The following F5 variants were observed in gnomAD, a reference collection of about 807,000 sequenced individuals.
F5 encodes coagulation factor V.
In F5, 138 loss-of-function variants were observed where a neutral mutation model predicts 216.4. The observed-to-expected ratio is 0.64, with a 90% CI of 0.56 to 0.73. F5 has a LOEUF of 0.73. F5 is among the 30% of genes least tolerant of loss of function. The pLI is 0.00. For missense variants in F5, 2,403 were observed against 2,674.0 expected (o/e 0.90, Z 2.24); for synonymous variants, 916 against 930.7 (o/e 0.98, Z 0.29).
intron 15 of F5, 126 bp downstream of exon 15, chr1:169,530,660 C>T: frequency 2.4e-6 from 2 of 843,914 alleles, no homozygotes; most frequent in Non-Finnish European, 4.1e-6. Context: ...GTTAACCACA[C>T]CCTTATGCAT....
At chr1:169,559,618 A>C in intron 4 of F5, among the ~76,000 whole-genome samples, 1 of 152,084 alleles carries the variant, frequency 6.6e-6, no homozygotes, top group Admixed American at 6.6e-5. Flanking sequence ...GAGTATATAG[A>C]TACGTTAGCT....
intron 3 of F5, among the ~76,000 whole-genome samples, chr1:169,564,614 T>C (rs1339858862): frequency 6.6e-6 from 1 of 152,096 alleles, no homozygotes; most frequent in Non-Finnish European, 1.5e-5. Context: ...TCTGGTTCCT[T>C]ATGTTCTGAA....
intron 14 of F5, among the ~76,000 whole-genome samples, 193 bp downstream of exon 14, chr1:169,536,313 T>C (rs1242749849): frequency 6.3e-5 from 9 of 143,050 alleles, no homozygotes; most frequent in Non-Finnish European, 4.6e-5. Flanking sequence ...ATTTAAAAAA[T>C]GAGATCTTTT....
chr1:169,573,301 G>C (rs1175523940), intron 2 of F5, among the ~76,000 whole-genome samples: 1 of 152,168 alleles, frequency 6.6e-6, no homozygotes, highest in Admixed American at 6.5e-5. Flanking sequence ...GTACAGCAGA[G>C]ACATAGTATA....
At chr1:169,532,892 G>A (rs1487749804) in intron 14 of F5, among the ~76,000 whole-genome samples, 3 of 152,016 alleles carry the variant, frequency 2.0e-5, no homozygotes, top group Non-Finnish European at 2.9e-5. Flanking sequence ...AAATTCATAT[G>A]GAATCAAAAA....
chr1:169,523,862 G>T lies in F5; in HGVS notation c.5831C>A (p.Ser1944Tyr). 1.2e-6 allele frequency: 2 copies of T among 1,613,846 alleles called. No individual in the cohort carries two copies. The highest frequency in any genetic ancestry group is 1.7e-6 in the Non-Finnish European group (2 of 1,179,902). The change falls in exon 20 of 25, where the codon TCT becomes TAT. Residue 1944 changes from serine to tyrosine, a missense_variant. Around this residue, in one of 4 missense-constraint regions of F5, gnomAD observed 659 missense variants for 787.9 expected, o/e 0.84. Transcript: ENST00000367797. ...PRLARLNNGG[S>Y]YNAWSVEKLA... The stretch of plus-strand genomic sequence containing the variant: ...TTTTTCTACACTCCAAGCATTATAA[G>T]ATCCACCATTGTTTAATCTTGCTAA...
intron 18 of F5, among the ~76,000 whole-genome samples, chr1:169,525,350 T>C (rs942665314): frequency 1.3e-5 from 2 of 151,490 alleles, no homozygotes; most frequent in African/African-American, 2.4e-5. Context: ...TATAAAAATA[T>C]GAAAAAAAGT....
chr1:169,515,501 G>A lies in F5; in HGVS notation c.6471C>T (p.Tyr2157=), dbSNP rs889356518. ...EMYVKSYTIH[Y]SEQGVEWKPY... ...GTTTCCATTCCACTCCCTGCTCACT[G>A]TAGTGGATGGTATAGCTCTTTACAT... is the stretch of plus-strand genomic sequence containing the variant. Residue 2157 remains tyrosine, a synonymous_variant, in exon 24 of 25, where the codon TAC becomes TAT. Coordinates refer to ENST00000367797, the MANE Select transcript of F5 (RefSeq NM_000130.5). The A allele has an allele frequency of 3.1e-6, 5 of 1,613,474 alleles. No individual in the cohort carries two copies. The African/African-American group carries it at 6.7e-5, about 22-fold the overall frequency.
rs759737015 is a variant in F5 at position 169,540,848 on chromosome 1, G to A, written c.4242C>T (p.Asp1414=). The A allele has an allele frequency of 1.9e-6, 3 of 1,611,872 alleles. No homozygotes were observed. Among genetic ancestry groups the A allele is most frequent in the Middle Eastern group, 1.7e-4 (1 of 6,056 alleles). ...PDLDQMTLSP[D]LGETDLSPNF... is the part of the protein sequence containing the mutation. ...TTGGGGAAAGATCTGTCTCACCAAG[G>A]TCTGGAGAAAGTGTCATCTGGTCGA... is the stretch of plus-strand genomic sequence containing the variant. The change falls in exon 13 of 25, where the codon GAC becomes GAT. Residue 1414 remains aspartate (D), a synonymous_variant. Coordinates refer to ENST00000367797, the MANE Select transcript of F5 (RefSeq NM_000130.5).
intron 11 of F5, among the ~76,000 whole-genome samples, chr1:169,545,601 C>A (rs1366256801): frequency 6.6e-6 from 1 of 152,130 alleles, no homozygotes; most frequent in Admixed American, 6.5e-5. Context: ...GATTCACTGC[C>A]AAAAGGAAGT....
At position 169,560,713 on chromosome 1, in the gene F5, C is replaced by T. The variant is rs1242255525; in HGVS notation, c.427G>A (p.Ala143Thr). The T allele has an allele frequency of 2.4e-5, 38 of 1,613,266 alleles. No individual in the cohort carries two copies. Among genetic ancestry groups the T allele is most frequent in the Non-Finnish European group, 3.0e-5 (35 of 1,179,776 alleles). Residue 143 changes from alanine to threonine, a missense_variant, in exon 4 of 25, where the codon GCT becomes ACT. Ala to Thr is a moderately conservative substitution (Grantham distance 58). Around this residue, in one of 4 missense-constraint regions of F5, gnomAD observed 1,425 missense variants for 1,554.8 expected, o/e 0.92. Transcript: ENST00000367797. ...FPAEKMDDAV[A>T]PGREYTYEWS... ...TCATAGGTGTATTCTCGGCCTGGAG[C>T]CACAGCGTCGTCCATCTTCTCCGCA...
chr1:169,577,584 TA>T (rs1349090197), intron 2 of F5, among the ~76,000 whole-genome samples: 1 of 107,366 alleles, frequency 9.3e-6, no homozygotes. Flanking sequence ...TATATATATA[TA>T]TATATATATA....
Position 169,546,559 on chromosome 1 carries a change from C to T in F5, c.1645G>A (p.Ala549Thr). 3 of 1,614,126 alleles carry T rather than the reference C, an allele frequency of 1.9e-6. No individual in the cohort carries two copies. Among genetic ancestry groups the T allele is most frequent in the Non-Finnish European group, 2.5e-6 (3 of 1,179,992 alleles). Residue 549 changes from alanine (A) to threonine (T), a missense_variant, in exon 11 of 25, where the codon GCT (alanine) becomes ACT (threonine). Coordinates refer to ENST00000367797, the MANE Select transcript of F5 (RefSeq NM_000130.5). Reference sequence around the variant, plus strand: ...CAGCTTTTGTTCTCATCAAACACAGCAAACACAGCCTGCTGTTCGATGTCT... The same window carrying T: ...CAGCTTTTGTTCTCATCAAACACAGTAAACACAGCCTGCTGTTCGATGTCT... The part of the protein sequence containing the change: ...AADIEQQAVF[A>T]VFDENKSWYL...
intron 11 of F5, among the ~76,000 whole-genome samples, chr1:169,544,922 A>G (rs931118481): frequency 6.6e-6 from 1 of 152,362 alleles, no homozygotes; most frequent in East Asian, 1.9e-4. Context: ...AAGCCCATTT[A>G]GCATATTTTA....
intron 2 of F5, among the ~76,000 whole-genome samples, chr1:169,576,011 C>T (rs79310714): frequency 1.5e-3 from 225 of 152,114 alleles, no homozygotes; most frequent in African/African-American, 5.1e-3. Flanking sequence ...AGATGCTACT[C>T]AGCTGGTTTT....
At chr1:169,548,275 T>C (rs954483081) in intron 10 of F5, among the ~76,000 whole-genome samples, 5 of 152,052 alleles carry the variant, frequency 3.3e-5, no homozygotes, top group Non-Finnish European at 7.4e-5. Flanking sequence ...AAGTAGTAAG[T>C]ACAACAGACC....
chr1:169,545,947 T>C (rs182770636), intron 11 of F5, among the ~76,000 whole-genome samples: 1 of 152,246 alleles, frequency 6.6e-6, no homozygotes, highest in East Asian at 1.9e-4. Flanking sequence ...GTTCTGAAAA[T>C]CTTACTGATC....
intron 1 of F5, among the ~76,000 whole-genome samples, chr1:169,583,326 G>T (rs139932718): frequency 1.8e-4 from 28 of 152,316 alleles, no homozygotes; most frequent in Middle Eastern, 6.8e-3. Context: ...TAAATCAGTT[G>T]ATCAGAGTGG....
chr1:169,524,726 G>T, intron 19 of F5, 111 bp downstream of exon 19: 2 of 927,390 alleles, frequency 2.2e-6, no homozygotes, highest in South Asian at 2.7e-5. Context: ...GTAGAGAAAA[G>T]CATAAAGAGA....
Sources: gnomAD v4.1 joint callset for allele counts (sites outside exome capture counted in the v4.1 genomes callset) on GRCh38, gnomAD v4.1.1 for gene constraint, gnomAD v4.1.1 regional missense constraint, MANE v1.5 for transcripts, NCBI Gene and HGNC (gene_info 2026-07-23, HGNC 2026-07-21) for gene names.